Variants in CDK8 observed in about 807,000 individuals in gnomAD.
The protein encoded by CDK8 is cyclin dependent kinase 8.
Under a neutral mutation model 71.5 loss-of-function variants are expected in CDK8, and 29 were observed. The ratio of observed to expected loss-of-function variants is 0.41; its 90% CI spans 0.30 to 0.55. The LOEUF is 0.55. Ranked by LOEUF, CDK8 falls within the 20% of genes least tolerant of loss-of-function variation. CDK8 has a pLI of 0.37. For missense variants in CDK8, 288 were observed against 572.6 expected, an observed-to-expected ratio of 0.50 and a Z score of 5.07; for synonymous variants, 161 against 192.1, an observed-to-expected ratio of 0.84 and a Z score of 1.34.
intron 1 of CDK8, among the ~76,000 whole-genome samples, chr13:26,283,896 C>CA (rs752553551): frequency 0.032 from 2,881 of 89,380 alleles, 85 homozygotes; most frequent in African/African-American, 0.067. Context: ...GACTCCATCT[C>CA]AAAAAAAAAA....
At chr13:26,282,143 T>A (rs1037852606) in intron 1 of CDK8, among the ~76,000 whole-genome samples, 2 of 152,132 alleles carry the variant, frequency 1.3e-5, no homozygotes, top group South Asian at 2.1e-4. Flanking sequence ...GAAAACATAT[T>A]TCAGGGAATA....
chr13:26,264,835 T>G (rs1011503866), intron 1 of CDK8, among the ~76,000 whole-genome samples: 1 of 152,204 alleles, frequency 6.6e-6, no homozygotes, highest in African/African-American at 2.4e-5. Context: ...GATATTTGTC[T>G]TTTTGTGCCT....
intron 2 of CDK8, among the ~76,000 whole-genome samples, chr13:26,341,909 T>C (rs1213260846): frequency 6.6e-6 from 1 of 152,340 alleles, no homozygotes; most frequent in Admixed American, 6.5e-5. Flanking sequence ...TATGAGTATC[T>C]TTAAACCTTC....
At chr13:26,262,267 C>G (rs1272874172) in intron 1 of CDK8, among the ~76,000 whole-genome samples, 1 of 152,156 alleles carries the variant, frequency 6.6e-6, no homozygotes, top group Non-Finnish European at 1.5e-5. Context: ...CTTATGTGTC[C>G]TTTGGGTCTT....
At chr13:26,372,830 C>G (rs186883031) in intron 4 of CDK8, among the ~76,000 whole-genome samples, 275 of 152,260 alleles carry the variant, frequency 1.8e-3, no homozygotes, top group African/African-American at 6.3e-3. Flanking sequence ...TTGCTGTTGT[C>G]AAACCATCAC....
intron 1 of CDK8, among the ~76,000 whole-genome samples, chr13:26,302,598 A>G (rs1873872087): frequency 6.6e-6 from 1 of 152,190 alleles, no homozygotes; most frequent in African/African-American, 2.4e-5. Context: ...TGATTGTCTT[A>G]TCTTTGTCTT....
chr13:26,304,262 T>A (rs1873940908), intron 1 of CDK8, among the ~76,000 whole-genome samples: 1 of 144,084 alleles, frequency 6.9e-6, no homozygotes, highest in Non-Finnish European at 1.5e-5. Context: ...AGACTCTGTC[T>A]CAAAAAAAAA....
intron 9 of CDK8, among the ~76,000 whole-genome samples, chr13:26,399,695 C>T (rs1318078539): frequency 2.6e-5 from 4 of 152,214 alleles, no homozygotes; most frequent in Admixed American, 2.0e-4. Context: ...ATTATAATTG[C>T]TCTCCATATA....
intron 1 of CDK8, among the ~76,000 whole-genome samples, chr13:26,304,091 C>T (rs1236739034): frequency 1.3e-5 from 2 of 151,856 alleles, no homozygotes; most frequent in Non-Finnish European, 2.9e-5. Context: ...TGGTGAAACC[C>T]CATCTCTACT....
At chr13:26,395,014 A>G (rs962078172) in intron 7 of CDK8, among the ~76,000 whole-genome samples, 1 of 152,242 alleles carries the variant, frequency 6.6e-6, no homozygotes, top group Non-Finnish European at 1.5e-5. Context: ...TTATCTTAAA[A>G]TTTCTAGCAT....
At chr13:26,343,892 T>A (rs891317575) in intron 2 of CDK8, among the ~76,000 whole-genome samples, 11 of 152,258 alleles carry the variant, frequency 7.2e-5, no homozygotes, top group Admixed American at 2.0e-4. Context: ...TAAAAAATTT[T>A]TTTTTTACTT....
intron 4 of CDK8, among the ~76,000 whole-genome samples, chr13:26,354,618 A>T (rs770947295): frequency 2.0e-5 from 3 of 152,166 alleles, no homozygotes; most frequent in Non-Finnish European, 4.4e-5. Context: ...AGATTCTCAT[A>T]GGAGCCAGAA....
At chr13:26,271,692 C>A (rs1321261263) in intron 1 of CDK8, among the ~76,000 whole-genome samples, 2 of 151,794 alleles carry the variant, frequency 1.3e-5, no homozygotes, top group Non-Finnish European at 2.9e-5. Context: ...TGCCTGTAGT[C>A]CCAGCTACTC....
At chr13:26,258,910 T>TA (rs1214086533) in intron 1 of CDK8, among the ~76,000 whole-genome samples, 8 of 152,150 alleles carry the variant, frequency 5.3e-5, no homozygotes, top group Admixed American at 4.6e-4. Context: ...CAACATGTCT[T>TA]ACGCTACCTT....
In CDK8 at chr13:26,335,294, A is replaced by G. The variant is rs527813488; in HGVS notation, c.129-2273A>G. Among the ~76,000 whole-genome samples, 9 of 152,282 alleles carry G rather than the reference A, an allele frequency of 5.9e-5. 1 individual carries two copies. In the South Asian group the frequency reaches 8.3e-4, roughly 14 times the overall value. Reference sequence around the variant, plus strand: ...TCCACTATCCATTGTTGACTTAATCATTGCTAAATTCAGTAGATACTTTAC... The same window carrying G: ...TCCACTATCCATTGTTGACTTAATCGTTGCTAAATTCAGTAGATACTTTAC... On this transcript the variant is annotated intron_variant, in intron 1 of 12. Transcript: ENST00000381527.
chr13:26,281,438 A>C (rs1002664803), intron 1 of CDK8, among the ~76,000 whole-genome samples: 4 of 152,252 alleles, frequency 2.6e-5, no homozygotes, highest in African/African-American at 4.8e-5. Flanking sequence ...CGGGGAGTGC[A>C]TCACATCAAG....
intron 1 of CDK8, among the ~76,000 whole-genome samples, chr13:26,330,403 C>A (rs1176063999): frequency 6.6e-6 from 1 of 152,156 alleles, no homozygotes; most frequent in Non-Finnish European, 1.5e-5. Flanking sequence ...CAGGGTTTCA[C>A]CATGTTGGCC....
At chr13:26,369,480 C>T (rs1459223996) in intron 4 of CDK8, among the ~76,000 whole-genome samples, 10 of 140,878 alleles carry the variant, frequency 7.1e-5, no homozygotes, top group African/African-American at 2.3e-4. Context: ...AAGTAAAAGT[C>T]CATCTGTAAA....
chr13:26,272,600 A>G (rs1872380708), intron 1 of CDK8, among the ~76,000 whole-genome samples: 2 of 152,222 alleles, frequency 1.3e-5, no homozygotes, highest in South Asian at 4.1e-4. Context: ...CCTCTTGGGG[A>G]TGAAGAAAGA....
Sources: allele counts gnomAD v4.1 joint callset (sites outside exome capture counted in the v4.1 genomes callset), GRCh38; gene constraint gnomAD v4.1.1; transcripts MANE v1.5; gene names NCBI Gene and HGNC (gene_info 2026-07-23, HGNC 2026-07-21).